FAH: variants seen among roughly 807,000 people sequenced by gnomAD.
FAH encodes fumarylacetoacetase.
FAH carries 47 observed loss-of-function variants against 55.8 expected under a neutral mutation model. The ratio of observed to expected loss-of-function variants is 0.84; its 90% CI spans 0.67 to 1.07. The LOEUF (loss-of-function observed/expected upper bound fraction) is 1.07. FAH is among the 50% of genes least tolerant of loss of function. The pLI is 0.00. For missense variants in FAH, 495 were observed against 545.9 expected (o/e 0.91, Z 0.93); for synonymous variants, 199 against 207.7 (o/e 0.96, Z 0.36).
chr15:80,180,161 A>C lies in FAH; in HGVS notation c.998A>C (p.His333Pro). 1 of 1,610,722 alleles carries C rather than the reference A, an allele frequency of 6.2e-7. No individual in the cohort carries two copies. The highest frequency in any genetic ancestry group is 8.5e-7 in the Non-Finnish European group (1 of 1,179,888). Residue 333 changes from histidine to proline, a missense_variant, in exon 12 of 14, where the codon CAC (histidine) becomes CCC (proline). Coordinates refer to ENST00000561421, the MANE Select transcript of FAH (RefSeq NM_000137.4). ...ACGATGCTGCAGCAGCTCACTCACC[A>C]CTCTGTCAACGGCTGCAACCTGCGG... The part of the protein sequence containing the change: ...YWTMLQQLTH[H>P]SVNGCNLRPG...
At chr15:80,171,391 A>C (rs931449250) in intron 7 of FAH, among the ~76,000 whole-genome samples, 1 of 152,262 alleles carries the variant, frequency 6.6e-6, no homozygotes, top group African/African-American at 2.4e-5. Flanking sequence ...AACTATTGCA[A>C]GGACAAAAAA....
At chr15:80,177,305 C>A (rs1002871107) in intron 10 of FAH, 1 of 571,684 alleles carries the variant, frequency 1.7e-6, no homozygotes, top group Non-Finnish European at 3.1e-6. Context: ...GTGCTGTGAT[C>A]AATTAATGCT....
At chr15:80,159,441 G>A (rs1052728540) in intron 2 of FAH, among the ~76,000 whole-genome samples, 5 of 152,118 alleles carry the variant, frequency 3.3e-5, no homozygotes, top group Non-Finnish European at 2.9e-5. Context: ...ACTGGAGTGT[G>A]CCTCTACTGG....
Position 80,186,342 on chromosome 15 carries a change from C to G in FAH, c.*133C>G. ...AAGCCATTGTGCTCTGAGGCCTGCA[C>G]TGCCGCAGATGCAGCTGTGTCCACT... On this transcript the variant is annotated 3_prime_UTR_variant, in exon 14 of 14. Coordinates refer to ENST00000561421, the MANE Select transcript of FAH (RefSeq NM_000137.4). 1.3e-6 allele frequency: 1 copy of G among 751,460 alleles called. No individual in the cohort carries two copies. Among genetic ancestry groups the G allele is most frequent in the Non-Finnish European group, 2.4e-6 (1 of 419,176 alleles). 46.5% of individuals were successfully genotyped at this position (751,460 alleles called of 1,614,324 possible). A position where few individuals can be genotyped will look rare whatever the true frequency, so the allele number is the denominator to read the frequency against.
intron 1 of FAH, among the ~76,000 whole-genome samples, chr15:80,155,785 G>A (rs1263392893): frequency 6.6e-6 from 1 of 152,098 alleles, no homozygotes; most frequent in African/African-American, 2.4e-5. Context: ...TGTGATCATG[G>A]GACGGGGGCT....
intron 5 of FAH, among the ~76,000 whole-genome samples, chr15:80,164,208 G>A (rs947332565): frequency 6.6e-6 from 1 of 152,168 alleles, no homozygotes; most frequent in African/African-American, 2.4e-5. Context: ...GGTTCCTTCT[G>A]GAGGCTCTAG....
In FAH at chr15:80,175,048, C is replaced by T. The variant is rs377480457; in HGVS notation, c.870C>T (p.Asp290=). The part of the protein sequence containing the change: ...DPRPLPYLCH[D]EPYTFDINLS... ...GGCCCCTGCCGTATCTGTGCCATGACGAGCCCTACACATTTGACATCAACC... is the reference window on the plus strand; with the variant it reads ...GGCCCCTGCCGTATCTGTGCCATGATGAGCCCTACACATTTGACATCAACC... The change falls in exon 10 of 14, where the codon GAC becomes GAT. Residue 290 remains aspartate (D), a synonymous_variant. Coordinates refer to ENST00000561421, the MANE Select transcript of FAH (RefSeq NM_000137.4). 174 of 1,613,938 alleles carry T rather than the reference C, an allele frequency of 1.1e-4. 1 individual carries two copies. In the Admixed American group the frequency reaches 1.4e-3, roughly 13 times the overall value.
chr15:80,162,414 G>T, intron 5 of FAH, 78 bp downstream of exon 5: 1 of 1,258,362 alleles, frequency 7.9e-7, no homozygotes, highest in Non-Finnish European at 1.2e-6. Flanking sequence ...CTCAGGAGCT[G>T]CCAAGTTCTT....
rs1026909002 is a variant in FAH at position 80,174,936 on chromosome 15, G to C, written c.838-80G>C. ...GCCTAGGGGAGCAGGTGCTGCTGGG[G>C]GCCTGGCTGGTATGGGGGCCCAGCC... On this transcript the variant is annotated intron_variant, in intron 9 of 13. Transcript: ENST00000561421. 8 of 1,153,018 alleles carry C rather than the reference G, an allele frequency of 6.9e-6. No individual in the cohort carries two copies. The African/African-American group carries it at 1.1e-4, about 15-fold the overall frequency. 71.4% of individuals were successfully genotyped at this position (1,153,018 alleles called of 1,614,324 possible).
At chr15:80,182,161 G>A (rs1171154849) in intron 13 of FAH, among the ~76,000 whole-genome samples, 5 of 152,052 alleles carry the variant, frequency 3.3e-5, no homozygotes, top group African/African-American at 1.2e-4. Flanking sequence ...CTGCCTCCAC[G>A]GTCACATTGT....
chr15:80,185,499 C>T (rs1240364251), intron 13 of FAH, among the ~76,000 whole-genome samples: 1 of 152,166 alleles, frequency 6.6e-6, no homozygotes, highest in Non-Finnish European at 1.5e-5. Context: ...GGAGAGTTGA[C>T]CACTGTATTA....
intron 5 of FAH, chr15:80,162,892 A>G (rs12907580): frequency 0.044 from 8,582 of 195,430 alleles, 269 homozygotes; most frequent in Non-Finnish European, 0.063. Context: ...CCCAGCCCCC[A>G]GATCAGGCCA....
chr15:80,180,676 G>A (rs1279573058), intron 12 of FAH, among the ~76,000 whole-genome samples: 3 of 152,156 alleles, frequency 2.0e-5, no homozygotes, highest in East Asian at 1.9e-4. Flanking sequence ...GGGGCTGGCC[G>A]AGCCCTCTTG....
intron 11 of FAH, 40 bp from the exon 12 acceptor site, chr15:80,180,084 C>T: frequency 1.3e-6 from 2 of 1,517,954 alleles, no homozygotes; most frequent in Non-Finnish European, 9.1e-7. Context: ...CTAGGCTAAG[C>T]CTGCCGCTGC....
intron 5 of FAH, chr15:80,167,083 G>A (rs117330642): frequency 0.015 from 2,264 of 151,338 alleles, 21 homozygotes; most frequent in Non-Finnish European, 0.016. Flanking sequence ...GCCTGTAATA[G>A]CCTTTGTTTG....
In FAH at chr15:80,177,533, AC is replaced by A; in HGVS notation, c.914-3del. On this transcript the variant is annotated splice_region_variant and splice_polypyrimidine_tract_variant and intron_variant, in intron 10 of 13. Coordinates refer to ENST00000561421, the MANE Select transcript of FAH (RefSeq NM_000137.4). ...TTCATCAATATTGCTTTTCTTTCCA[AC>A]AGGAGAAGGAATGAGCCAGGCGGCT... The A allele has an allele frequency of 6.2e-7, 1 of 1,613,700 alleles. No homozygotes were observed. The highest frequency in any genetic ancestry group is 8.5e-7 in the Non-Finnish European group (1 of 1,179,574).
At chr15:80,178,724 C>T (rs190778748) in intron 11 of FAH, among the ~76,000 whole-genome samples, 118 of 152,072 alleles carry the variant, frequency 7.8e-4, no homozygotes, top group African/African-American at 2.7e-3. Context: ...GCTGGGACTA[C>T]AGGTGCCCGC....
chr15:80,172,335 C>A, intron 8 of FAH, 87 bp downstream of exon 8: 1 of 1,009,752 alleles, frequency 9.9e-7, no homozygotes, highest in Non-Finnish European at 1.6e-6. Context: ...AGATCTGGTG[C>A]AGGTCAAAAG....
chr15:80,154,799 G>A (rs1265599110), intron 1 of FAH, among the ~76,000 whole-genome samples: 1 of 152,230 alleles, frequency 6.6e-6, no homozygotes, highest in African/African-American at 2.4e-5. Context: ...AGACACAGGA[G>A]ACGCCTTCCT....
Sources: gnomAD v4.1 joint callset for allele counts (sites outside exome capture counted in the v4.1 genomes callset) on GRCh38, gnomAD v4.1.1 for gene constraint, MANE v1.5 for transcripts, NCBI Gene and HGNC (gene_info 2026-07-23, HGNC 2026-07-21) for gene names.